Variants in F5 observed in about 807,000 individuals in gnomAD.
F5 encodes the protein coagulation factor V, also known as activated protein c cofactor.
In F5, 138 loss-of-function variants were observed where a neutral mutation model predicts 216.4. The ratio of observed to expected loss-of-function variants is 0.64; its 90% confidence interval spans 0.56 to 0.73. The LOEUF is 0.73. Among genes scored for constraint, F5 ranks in the 30% least tolerant of loss-of-function variants. The pLI is 0.00. For missense variants in F5, 2,403 were observed against 2,674.0 expected (o/e 0.90, Z 2.24); for synonymous variants, 916 against 930.7 (o/e 0.98, Z 0.29).
intron 11 of F5, among the ~76,000 whole-genome samples, chr1:169,545,877 T>A (rs868368386): frequency 1.3e-5 from 2 of 152,226 alleles, no homozygotes; most frequent in Non-Finnish European, 2.9e-5. Context: ...GCAGTGCTTT[T>A]GGCCACTGAA....
chr1:169,524,366 T>C (rs1449455641), intron 19 of F5, among the ~76,000 whole-genome samples: 1 of 152,198 alleles, frequency 6.6e-6, no homozygotes, highest in Non-Finnish European at 1.5e-5. Context: ...AGGGCCATAT[T>C]AATGGGGACT....
intron 1 of F5, 76 bp downstream of exon 1, chr1:169,586,153 T>A: frequency 6.4e-7 from 1 of 1,557,514 alleles, no homozygotes; most frequent in Non-Finnish European, 8.7e-7. Context: ...GCCATGACAT[T>A]GCAAAGGGAA....
intron 2 of F5, among the ~76,000 whole-genome samples, chr1:169,576,431 G>T (rs1013707543): frequency 6.6e-6 from 1 of 152,148 alleles, no homozygotes; most frequent in African/African-American, 2.4e-5. Flanking sequence ...AGGTCACAAA[G>T]TTCAGTCCTT....
chr1:169,585,013 C>T (rs1482304928), intron 1 of F5, among the ~76,000 whole-genome samples: 1 of 152,178 alleles, frequency 6.6e-6, no homozygotes, highest in Non-Finnish European at 1.5e-5. Context: ...AGCATGAACC[C>T]AGCATGCTAC....
At chr1:169,527,370 T>A (rs1659482878) in intron 17 of F5, among the ~76,000 whole-genome samples, 2 of 152,202 alleles carry the variant, frequency 1.3e-5, no homozygotes, top group African/African-American at 4.8e-5. Flanking sequence ...AAATCTACAT[T>A]TATCTTTATT....
chr1:169,540,405 C>G lies in F5; in HGVS notation c.4685G>C (p.Arg1562Thr), dbSNP rs762540795. ...CCATGCTGCAATGTTGTCAGGATCT[C>G]TGGAGGAGTTGATGTTTGTCCTAAC... is the stretch of plus-strand genomic sequence containing the variant. ...TDVRTNINSS[R>T]DPDNIAAWYL... Residue 1562 changes from arginine (R) to threonine (T), a missense_variant, in exon 13 of 25, where the codon AGA becomes ACA. Transcript: ENST00000367797. 1 of 1,614,002 alleles carries G rather than the reference C, an allele frequency of 6.2e-7. No homozygotes were observed. The highest frequency in any genetic ancestry group is 1.7e-5 in the Admixed American group (1 of 59,986).
rs111704438 is a variant in F5, at chr1:169,580,865, CT to C, written c.250+1565del. On this transcript the variant is annotated intron_variant, in intron 2 of 24. Transcript: ENST00000367797. ...AGCAGCAACAATAACAATAATGTAG[CT>C]AACTTCTACTGAGTGCCTATTATGT... Among the ~76,000 whole-genome samples the C allele has an allele frequency of 2.1e-3, 324 of 152,148 alleles. 2 individuals are homozygous for C. The highest frequency in any genetic ancestry group is 7.2e-3 in the African/African-American group (300 of 41,526).
intron 13 of F5, among the ~76,000 whole-genome samples, chr1:169,538,320 C>G (rs1368765203): frequency 6.6e-6 from 1 of 151,966 alleles, no homozygotes; most frequent in Non-Finnish European, 1.5e-5. Flanking sequence ...CAGTGGTTAA[C>G]AAAGGGATAC....
rs1043138021 is a variant in F5 at position 169,555,271 on chromosome 1, C to T, written c.1029G>A (p.Gln343=). The part of the protein sequence containing the change: ...TRNLKKITRE[Q]RRHMKRWEYF... ...ATTCCCACCTCTTCATGTGCCGCCT[C>T]TGCTCACGAGTTATTTTCTTAAGAT... The change falls in exon 7 of 25, where the codon CAG becomes CAA. Residue 343 remains glutamine, a synonymous_variant. Transcript: ENST00000367797. 1.2e-6 allele frequency: 2 copies of T among 1,614,082 alleles called. No individual in the cohort carries two copies. Among genetic ancestry groups the T allele is most frequent in the Non-Finnish European group, 8.5e-7 (1 of 1,179,986 alleles).
At chr1:169,555,071 A>G in intron 7 of F5, 111 bp downstream of exon 7, 1 of 1,209,222 alleles carries the variant, frequency 8.3e-7, no homozygotes, top group South Asian at 1.2e-5. Flanking sequence ...AATAGAAACC[A>G]ATACATGTGT....
chr1:169,525,978 C>A lies in F5; in HGVS notation c.5639G>T (p.Gly1880Val). ...KTLEMKASKPGWWLLNTEVGE... is the reference protein window; with the variant it reads ...KTLEMKASKPVWWLLNTEVGE... The stretch of plus-strand genomic sequence containing the variant: ...AACCTCTGTGTTTAGGAGCCACCAG[C>A]CAGGTTTTGATGCCTTCATTTCAAG... Residue 1880 changes from glycine to valine, a missense_variant, in exon 18 of 25, where the codon GGC becomes GTC. Physicochemically the swap from Gly to Val is moderately radical, Grantham distance 109 (BLOSUM62 -3). Around this residue, in one of 4 missense-constraint regions of F5, gnomAD observed 659 missense variants for 787.9 expected, o/e 0.84. Transcript: ENST00000367797. The A allele has an allele frequency of 6.2e-7, 1 of 1,613,214 alleles. No homozygotes were observed. Among genetic ancestry groups the A allele is most frequent in the Non-Finnish European group, 8.5e-7 (1 of 1,179,408 alleles).
Position 169,518,458 on chromosome 1 carries a change from C to A in F5, c.6299G>T (p.Arg2100Leu). 1 of 1,613,780 alleles carries A rather than the reference C, an allele frequency of 6.2e-7. No homozygotes were observed. Among genetic ancestry groups the A allele is most frequent in the South Asian group, 1.1e-5 (1 of 91,062 alleles). ...SWWGDYWEPFRARLNAQGRVN... is the reference protein window; with the variant it reads ...SWWGDYWEPFLARLNAQGRVN... The stretch of plus-strand genomic sequence containing the variant: ...ACGTCCCTGGGCATTCAGACGGGCA[C>A]GGAAGGGTTCCCAGTAATCTCCCCA... Residue 2100 changes from arginine to leucine, a missense_variant, in exon 23 of 25, where the codon CGT becomes CTT. By Grantham distance (102) the Arg-to-Leu change is moderately radical (BLOSUM62 -2). This residue lies in a region of F5 where 659 missense variants were observed against 787.9 expected (regional missense o/e 0.84). Coordinates refer to ENST00000367797, the MANE Select transcript of F5 (RefSeq NM_000130.5).
In F5 at chr1:169,540,994, GGGTTGT is replaced by G. The variant is rs1659825957; in HGVS notation, c.4090_4095del (p.Thr1364_Thr1365del). 6.3e-7 allele frequency: 1 copy of G among 1,591,346 alleles called. No individual in the cohort carries two copies. ...TTTGTCTGGCTGAGGTCTAGAGAAA[GGGTTGT>G]ATGGCTGGGGTCTGGAGAAAGGGGC... On this transcript the variant is annotated inframe_deletion, in exon 13 of 25. Transcript: ENST00000367797.
At chr1:169,553,192 T>C (rs916907761) in intron 7 of F5, among the ~76,000 whole-genome samples, 3 of 152,222 alleles carry the variant, frequency 2.0e-5, no homozygotes, top group Non-Finnish European at 4.4e-5. Context: ...TCTGTGCTAT[T>C]GGGCTATCTC....
intron 6 of F5, among the ~76,000 whole-genome samples, chr1:169,555,573 T>C (rs978348764): frequency 1.4e-5 from 2 of 139,160 alleles, no homozygotes; most frequent in African/African-American, 5.7e-5. Flanking sequence ...GGGAAAAAAT[T>C]TGGAAAGATT....
intron 14 of F5, among the ~76,000 whole-genome samples, chr1:169,531,497 G>T (rs766478168): frequency 5.9e-5 from 9 of 152,194 alleles, no homozygotes. Flanking sequence ...AAGAATTAAG[G>T]TAAGTTTCTT....
rs75351676 is a variant in F5 at position 169,553,822 on chromosome 1, A to G, written c.1119-1088T>C. 8.9e-3 allele frequency among the ~76,000 whole-genome samples: 1,358 copies of G among 152,372 alleles called. 18 individuals carry two copies. Among genetic ancestry groups the G allele is most frequent in the African/African-American group, 0.029 (1,205 of 41,584 alleles). ...AAGAGATGCTGGCAAGGTCATGGAG[A>G]GAAAGGAACACTTATACACTCTTGG... On this transcript the variant is annotated intron_variant, in intron 7 of 24. Coordinates refer to ENST00000367797, the MANE Select transcript of F5 (RefSeq NM_000130.5).
Position 169,527,936 on chromosome 1 carries a change from C to G in F5, c.5578G>C (p.Gly1860Arg). ...LENGNKQHQL[G>R]VWPLLPGSFK... ...TTACCAGGCAGAAGGGGCCAGACCCCTAACTGGTGCTGTTTATTGCCATTT... is the reference window on the plus strand; with the variant it reads ...TTACCAGGCAGAAGGGGCCAGACCCGTAACTGGTGCTGTTTATTGCCATTT... Residue 1860 changes from glycine to arginine, a missense_variant, in exon 17 of 25, where the codon GGG (glycine) becomes CGG (arginine). Physicochemically the swap from Gly to Arg is moderately radical, Grantham distance 125. Around this residue, in one of 4 missense-constraint regions of F5, gnomAD observed 659 missense variants for 787.9 expected, o/e 0.84. Coordinates refer to ENST00000367797, the MANE Select transcript of F5 (RefSeq NM_000130.5). 6.2e-7 allele frequency: 1 copy of G among 1,613,620 alleles called. No homozygotes were observed. Among genetic ancestry groups the G allele is most frequent in the Non-Finnish European group, 8.5e-7 (1 of 1,179,792 alleles).
chr1:169,560,452 T>G (rs903094110), intron 4 of F5, 102 bp downstream of exon 4: 1 of 1,088,448 alleles, frequency 9.2e-7, no homozygotes. Flanking sequence ...CTCTGCTTGA[T>G]GTACAAGAAG....
Sources: allele counts gnomAD v4.1 joint callset (sites outside exome capture counted in the v4.1 genomes callset), GRCh38; gene constraint gnomAD v4.1.1; regional missense constraint gnomAD v4.1.1; transcripts MANE v1.5; gene names NCBI Gene and HGNC (gene_info 2026-07-23, HGNC 2026-07-21).